The following TFCP2L1 variants were observed in gnomAD, a reference collection of about 807,000 sequenced individuals.
TFCP2L1 encodes transcription factor CP2-like protein 1.
A neutral mutation model predicts 72.2 loss-of-function variants in TFCP2L1; 12 were observed. That is an observed-to-expected ratio of 0.17 (90% CI 0.11 to 0.27). The LOEUF is 0.27. Ranked by LOEUF, TFCP2L1 falls within the 10% of genes least tolerant of loss-of-function variation. The probability of loss-of-function intolerance (pLI) is 1.00; values close to 1 mark genes in which losing one functional copy is unlikely to be tolerated. For synonymous variants in TFCP2L1, 260 were observed against 251.0 expected (o/e 1.04, Z -0.34); for missense variants, 488 against 624.6 (o/e 0.78, Z 2.33).
chr2:121,265,637 T>C (rs146520153), intron 2 of TFCP2L1, among the ~76,000 whole-genome samples: 5,449 of 151,996 alleles, frequency 0.036, 151 homozygotes, highest in East Asian at 0.14. Flanking sequence ...GCATGAGCCA[T>C]CACGCCTGGC....
chr2:121,260,686 C>T (rs1686814759), intron 2 of TFCP2L1, among the ~76,000 whole-genome samples: 1 of 152,222 alleles, frequency 6.6e-6, no homozygotes, highest in South Asian at 2.1e-4. Flanking sequence ...GGATCTGCTG[C>T]TGCAACCACA....
intron 2 of TFCP2L1, among the ~76,000 whole-genome samples, chr2:121,256,007 C>T (rs1686711820): frequency 6.6e-6 from 1 of 152,172 alleles, no homozygotes; most frequent in African/African-American, 2.4e-5. Flanking sequence ...ACCCAAAGTG[C>T]TGGGATTACA....
intron 3 of TFCP2L1, 104 bp downstream of exon 3, chr2:121,249,467 C>G: frequency 9.2e-7 from 1 of 1,084,806 alleles, no homozygotes; most frequent in Non-Finnish European, 1.4e-6. Context: ...CCCGGCCTCT[C>G]CCTAACCTTC....
intron 12 of TFCP2L1, among the ~76,000 whole-genome samples, chr2:121,232,318 T>C (rs1440350830): frequency 1.3e-5 from 2 of 151,988 alleles, no homozygotes; most frequent in Non-Finnish European, 2.9e-5. Flanking sequence ...TTTGTATTTT[T>C]AGTAGAAATG....
chr2:121,243,635 G>A (rs1686424015), intron 6 of TFCP2L1, among the ~76,000 whole-genome samples: 1 of 152,058 alleles, frequency 6.6e-6, no homozygotes, highest in African/African-American at 2.4e-5. Context: ...CCTCATAAGA[G>A]GGCAAAACCT....
At chr2:121,284,144 T>C (rs2104777581) in intron 1 of TFCP2L1, among the ~76,000 whole-genome samples, 1 of 152,340 alleles carries the variant, frequency 6.6e-6, no homozygotes, top group Non-Finnish European at 1.5e-5. Flanking sequence ...GTATGGGGGC[T>C]GTCAATGCCT....
At chr2:121,238,301 A>G (rs11678466) in intron 8 of TFCP2L1, among the ~76,000 whole-genome samples, 1 of 152,114 alleles carries the variant, frequency 6.6e-6, no homozygotes, top group Non-Finnish European at 1.5e-5. Context: ...GGGAGAGGGC[A>G]TAAGAATCCC....
intron 2 of TFCP2L1, 33 bp from the exon 3 acceptor site, chr2:121,249,680 CTGAG>C: frequency 1.2e-6 from 2 of 1,609,360 alleles, no homozygotes; most frequent in Non-Finnish European, 1.7e-6. Context: ...TTTTCCATTT[CTGAG>C]TATTTCTAAA....
At chr2:121,280,781 A>G (rs544760700) in intron 2 of TFCP2L1, among the ~76,000 whole-genome samples, 37 of 150,490 alleles carry the variant, frequency 2.5e-4, no homozygotes, top group African/African-American at 7.6e-4. Context: ...AAAAAAAAAA[A>G]AAAGAAAGAA....
At chr2:121,252,730 T>G (rs1250239807) in intron 2 of TFCP2L1, among the ~76,000 whole-genome samples, 1 of 152,192 alleles carries the variant, frequency 6.6e-6, no homozygotes, top group Non-Finnish European at 1.5e-5. Flanking sequence ...AATTTCCGAC[T>G]GCTAATCTCC....
At chr2:121,275,252 CG>C (rs1687122215) in intron 2 of TFCP2L1, among the ~76,000 whole-genome samples, 1 of 133,536 alleles carries the variant, frequency 7.5e-6, no homozygotes, top group Non-Finnish European at 1.6e-5. Flanking sequence ...GGCATGGCGG[CG>C]GGCGCCTGTA....
chr2:121,277,014 C>T (rs1687161764), intron 2 of TFCP2L1, among the ~76,000 whole-genome samples: 1 of 151,082 alleles, frequency 6.6e-6, no homozygotes, highest in Middle Eastern at 3.2e-3. Flanking sequence ...GTTAAATGGC[C>T]TGCAACCATC....
chr2:121,235,107 G>T, intron 11 of TFCP2L1, 114 bp downstream of exon 11: 5 of 1,094,814 alleles, frequency 4.6e-6, no homozygotes, highest in Non-Finnish European at 6.8e-6. Context: ...CACTGCAGGA[G>T]TCCTGTCCCC....
intron 2 of TFCP2L1, among the ~76,000 whole-genome samples, chr2:121,276,079 A>G (rs1454292992): frequency 6.6e-6 from 1 of 152,168 alleles, no homozygotes; most frequent in Non-Finnish European, 1.5e-5. Context: ...GTTTGTTTTT[A>G]AGTTATACTT....
At chr2:121,249,168 A>T in intron 3 of TFCP2L1, 81 bp from the exon 4 acceptor site, 1 of 1,105,938 alleles carries the variant, frequency 9.0e-7, no homozygotes, top group East Asian at 2.8e-5. Flanking sequence ...GCCACAGTAA[A>T]CCCTCCCACC....
chr2:121,249,431 G>T, intron 3 of TFCP2L1, 140 bp downstream of exon 3: 1 of 728,016 alleles, frequency 1.4e-6, no homozygotes, highest in Non-Finnish European at 2.3e-6. Flanking sequence ...CAGGGGCTGC[G>T]TCTCACCGTT....
intron 2 of TFCP2L1, among the ~76,000 whole-genome samples, chr2:121,266,033 T>C (rs1185929057): frequency 6.6e-6 from 1 of 152,000 alleles, no homozygotes; most frequent in East Asian, 1.9e-4. Context: ...ACCTGGCTAA[T>C]TTTTATATTT....
intron 6 of TFCP2L1, among the ~76,000 whole-genome samples, chr2:121,244,801 C>T (rs143932499): frequency 2.0e-5 from 3 of 152,318 alleles, no homozygotes; most frequent in Non-Finnish European, 4.4e-5. Flanking sequence ...GCTGGCAGAG[C>T]AGAGACGCGG....
chr2:121,225,381 C>T (rs1350842618), intron 14 of TFCP2L1, among the ~76,000 whole-genome samples, 181 bp downstream of exon 14: 4 of 152,160 alleles, frequency 2.6e-5, no homozygotes, highest in African/African-American at 9.7e-5. Flanking sequence ...TCAGAAGTGA[C>T]CCTGGGGGCC....
Sources: gnomAD v4.1 joint callset for allele counts (sites outside exome capture counted in the v4.1 genomes callset) on GRCh38, gnomAD v4.1.1 for gene constraint, MANE v1.5 for transcripts, NCBI Gene and HGNC (gene_info 2026-07-23, HGNC 2026-07-21) for gene names.